KLF12: variants seen among roughly 807,000 people sequenced by gnomAD.
KLF12 encodes Krueppel-like factor 12.
KLF12 carries 9 observed loss-of-function variants against 37.8 expected under a neutral mutation model. The observed-to-expected ratio is 0.24, with a 90% CI of 0.14 to 0.42. KLF12 has a LOEUF of 0.42. Ranked by LOEUF, KLF12 falls within the 10% of genes least tolerant of loss-of-function variation. The pLI is 1.00. For missense variants in KLF12, 411 were observed against 516.0 expected (o/e 0.80, Z 1.97); for synonymous variants, 208 against 202.1 (o/e 1.03, Z -0.25).
chr13:74,076,917 T>C lies in KLF12; in HGVS notation c.-32+56822A>G, dbSNP rs139030871. Among the ~76,000 whole-genome samples the C allele has an allele frequency of 1.4e-3, 220 of 152,280 alleles. 2 individuals are homozygous for C. Among genetic ancestry groups the C allele is most frequent in the African/African-American group, 4.3e-3 (177 of 41,572 alleles). ...TGGTATTTGGTTTTCTGTTCCTGTG[T>C]TAGTTTGCTGAGGATCACAGCCTCC... On this transcript the variant is annotated intron_variant, in intron 1 of 7. Transcript: ENST00000377669.
the KLF12 span, among the ~76,000 whole-genome samples, chr13:74,285,416 C>A: frequency 2.0e-5 from 3 of 152,298 alleles, no homozygotes; most frequent in African/African-American, 7.2e-5. Context: ...AGTCATTTAT[C>A]ATTTCTCTCA....
intron 5 of KLF12, among the ~76,000 whole-genome samples, chr13:73,784,404 C>G (rs987029674): frequency 6.6e-6 from 1 of 152,094 alleles, no homozygotes; most frequent in Non-Finnish European, 1.5e-5. Flanking sequence ...AAACCTTTCT[C>G]TCCAGACTTG....
At chr13:73,967,408 G>C (rs542554815) in intron 2 of KLF12, among the ~76,000 whole-genome samples, 27 of 152,270 alleles carry the variant, frequency 1.8e-4, no homozygotes, top group African/African-American at 6.3e-4. Context: ...ATGTGTAAAT[G>C]AGAGTCTAAG....
intron 1 of KLF12, among the ~76,000 whole-genome samples, chr13:74,100,863 T>A (rs1424831618): frequency 6.6e-6 from 1 of 152,170 alleles, no homozygotes; most frequent in Non-Finnish European, 1.5e-5. Context: ...GACCTTCCCT[T>A]GTTTTTCAAC....
At chr13:74,190,497 G>T in the KLF12 span, among the ~76,000 whole-genome samples, 3 of 152,138 alleles carry the variant, frequency 2.0e-5, no homozygotes, top group Non-Finnish European at 2.9e-5. Flanking sequence ...CCAAGAATGG[G>T]ACTGGTTTCT....
chr13:73,932,256 A>G (rs1057317923), intron 3 of KLF12, among the ~76,000 whole-genome samples: 18 of 152,214 alleles, frequency 1.2e-4, no homozygotes, highest in African/African-American at 4.1e-4. Flanking sequence ...TAGTTCATTT[A>G]AGATAGATGA....
intron 1 of KLF12, among the ~76,000 whole-genome samples, chr13:74,101,749 C>T (rs1354126966): frequency 6.6e-6 from 1 of 152,138 alleles, no homozygotes; most frequent in Non-Finnish European, 1.5e-5. Context: ...GGTTATAACC[C>T]ACCAAGTAAA....
At chr13:73,707,970 C>T (rs1368554436) in intron 7 of KLF12, among the ~76,000 whole-genome samples, 1 of 151,978 alleles carries the variant, frequency 6.6e-6, no homozygotes, top group East Asian at 1.9e-4. Context: ...GTGTGCATTC[C>T]AAATATGTAA....
chr13:74,133,741 G>C lies in KLF12; in HGVS notation c.-34C>G, dbSNP rs2139041687. ...TAAGAAACGGAATCGGCACAGACCTGAACAGAAGCTGCAGAGCAGGAGAAA... is the reference window on the plus strand; with the variant it reads ...TAAGAAACGGAATCGGCACAGACCTCAACAGAAGCTGCAGAGCAGGAGAAA... On this transcript the variant is annotated splice_region_variant and 5_prime_UTR_variant, in exon 1 of 8. Transcript: ENST00000377669. Among the ~76,000 whole-genome samples, 1 of 150,900 alleles carries C rather than the reference G, an allele frequency of 6.6e-6. No individual in the cohort carries two copies. Among genetic ancestry groups the C allele is most frequent in the Non-Finnish European group, 1.5e-5 (1 of 67,872 alleles).
chr13:73,809,865 G>T (rs1024339234), intron 5 of KLF12, among the ~76,000 whole-genome samples: 2 of 152,130 alleles, frequency 1.3e-5, no homozygotes, highest in Non-Finnish European at 2.9e-5. Flanking sequence ...GACATGTAAT[G>T]AATCTGGCAT....
At chr13:74,280,798 AC>A in the KLF12 span, among the ~76,000 whole-genome samples, 1 of 150,528 alleles carries the variant, frequency 6.6e-6, no homozygotes, top group Non-Finnish European at 1.5e-5. Context: ...TAGAAACTAC[AC>A]CATACTCATC....
intron 2 of KLF12, among the ~76,000 whole-genome samples, chr13:73,979,354 A>AACACACACACACACAC (rs71115629): frequency 7.1e-4 from 99 of 139,702 alleles, no homozygotes; most frequent in African/African-American, 2.6e-3. Context: ...TCTGCTTTTA[A>AACACACACACACACAC]ACACACACAC....
At chr13:73,956,375 C>T (rs78070333) in intron 2 of KLF12, among the ~76,000 whole-genome samples, 2,374 of 152,252 alleles carry the variant, frequency 0.016, 48 homozygotes, top group African/African-American at 0.047. Flanking sequence ...TTCTTTGAGA[C>T]CAGGGTTTCT....
chr13:74,170,863 C>T, the KLF12 span, among the ~76,000 whole-genome samples: 3 of 152,176 alleles, frequency 2.0e-5, no homozygotes, highest in Admixed American at 2.0e-4. Flanking sequence ...CTCCTGGGTT[C>T]AAGTGGTTCT....
the KLF12 span, among the ~76,000 whole-genome samples, chr13:74,168,670 C>T: frequency 2.0e-5 from 3 of 152,288 alleles, no homozygotes; most frequent in East Asian, 5.8e-4. Flanking sequence ...ATGAGGCATG[C>T]TATTAGAAAT....
At chr13:73,980,301 T>TC (rs2138173687) in intron 2 of KLF12, among the ~76,000 whole-genome samples, 1 of 152,306 alleles carries the variant, frequency 6.6e-6, no homozygotes, top group East Asian at 1.9e-4. Flanking sequence ...TTCTACCAAA[T>TC]CCTTAAAGAG....
At chr13:74,211,744 G>A in the KLF12 span, among the ~76,000 whole-genome samples, 2 of 152,144 alleles carry the variant, frequency 1.3e-5, no homozygotes, top group African/African-American at 4.8e-5. Context: ...AGTAGGAGAG[G>A]CAGATATGTA....
At position 73,690,124 on chromosome 13, in the gene KLF12, CTGTG is replaced by C. The variant is rs1873734615; in HGVS notation, c.*5362_*5365del. ...TACTATGTGTATGTATTTACTCTCTCTGTGTGTATGTGTGTGTGTGTTCACATGT... is the reference window on the plus strand; with the variant it reads ...TACTATGTGTATGTATTTACTCTCTCTGTATGTGTGTGTGTGTTCACATGT... On this transcript the variant is annotated 3_prime_UTR_variant, in exon 8 of 8. Coordinates refer to ENST00000377669, the MANE Select transcript of KLF12 (RefSeq NM_007249.5). 6.6e-6 allele frequency: 1 copy of C among 152,450 alleles called. No individual in the cohort carries two copies. The highest frequency in any genetic ancestry group is 1.5e-5 in the Non-Finnish European group (1 of 67,968). The allele number at this position is 152,450 out of a possible 1,614,324, so 9.4% of individuals were successfully genotyped here.
chr13:73,902,393 A>G (rs1888082024), intron 3 of KLF12, among the ~76,000 whole-genome samples: 2 of 152,182 alleles, frequency 1.3e-5, no homozygotes, highest in African/African-American at 2.4e-5. Context: ...TATCTCAACT[A>G]TTTTTTAAAA....
Sources: allele counts gnomAD v4.1 joint callset (sites outside exome capture counted in the v4.1 genomes callset), GRCh38; gene constraint gnomAD v4.1.1; transcripts MANE v1.5; gene names NCBI Gene and HGNC (gene_info 2026-07-23, HGNC 2026-07-21).